KAZN: variants seen among roughly 807,000 people sequenced by gnomAD.
KAZN encodes the protein kazrin.
In KAZN, 40 loss-of-function variants were observed where a neutral mutation model predicts 87.4. The observed-to-expected ratio is 0.46, with a 90% CI of 0.36 to 0.60. KAZN has a LOEUF of 0.60. Among genes scored for constraint, KAZN ranks in the 20% least tolerant of loss-of-function variants. The pLI is 0.00. For missense variants in KAZN, 898 were observed against 1,073.9 expected, an observed-to-expected ratio of 0.84 and a Z score of 2.29; for synonymous variants, 466 against 458.3, an observed-to-expected ratio of 1.02 and a Z score of -0.22.
chr1:14,840,437 G>C (rs74946641), intron 1 of KAZN, among the ~76,000 whole-genome samples: 1 of 152,348 alleles, frequency 6.6e-6, no homozygotes, highest in East Asian at 1.9e-4. Context: ...AGAAAGGAGA[G>C]ACATTTCGCA....
At chr1:14,461,139 A>G (rs183103082) in intron 2 of KAZN, among the ~76,000 whole-genome samples, 21 of 152,286 alleles carry the variant, frequency 1.4e-4, no homozygotes, top group Admixed American at 1.3e-3. Flanking sequence ...GGGACCTGGA[A>G]TCCAGCAACA....
chr1:13,979,209 G>A (rs777728485), intron 1 of KAZN, among the ~76,000 whole-genome samples: 6 of 151,796 alleles, frequency 4.0e-5, no homozygotes, highest in East Asian at 1.9e-4. Flanking sequence ...GGGGAAACCC[G>A]TCCCCCAAAG....
intron 1 of KAZN, among the ~76,000 whole-genome samples, chr1:13,952,336 T>TG (rs1641378394): frequency 3.2e-3 from 6 of 1,888 alleles, no homozygotes; most frequent in South Asian, 0.024. Context: ...AAAATGGAGA[T>TG]AATAATAATA....
rs1330247627 is a variant in KAZN, at chr1:14,497,670, A to T, written c.250-101313A>T. On this transcript the variant is annotated intron_variant, in intron 2 of 16. Transcript: ENST00000636203. ...CTACTTACCCATTCAGCCTATGAAG[A>T]TATATACTTGGAGAACCAGATTGTC... 3.3e-5 allele frequency among the ~76,000 whole-genome samples: 5 copies of T among 152,212 alleles called. No homozygotes were observed. In the South Asian group the frequency reaches 6.2e-4, roughly 19 times the overall value.
intron 2 of KAZN, among the ~76,000 whole-genome samples, chr1:14,428,012 G>C (rs1055727830): frequency 2.0e-5 from 3 of 152,126 alleles, no homozygotes; most frequent in Non-Finnish European, 2.9e-5. Context: ...GCTTGAGCTG[G>C]AATCCATCAA....
chr1:14,399,292 T>C (rs1217255181), intron 2 of KAZN, among the ~76,000 whole-genome samples: 2 of 152,114 alleles, frequency 1.3e-5, no homozygotes, highest in Non-Finnish European at 2.9e-5. Context: ...GCTGGGATTA[T>C]AAGCATGGGC....
intron 2 of KAZN, among the ~76,000 whole-genome samples, chr1:14,573,848 C>A (rs1344627259): frequency 6.6e-6 from 1 of 151,772 alleles, no homozygotes; most frequent in Non-Finnish European, 1.5e-5. Context: ...GAAATTCAGG[C>A]ATATGAATAG....
chr1:14,366,829 A>G (rs1660040195), intron 2 of KAZN, among the ~76,000 whole-genome samples: 1 of 152,238 alleles, frequency 6.6e-6, no homozygotes, highest in Admixed American at 6.5e-5. Context: ...TCAGTGTGAC[A>G]GCCTTTTGCA....
intron 1 of KAZN, among the ~76,000 whole-genome samples, chr1:13,898,644 C>T (rs563572795): frequency 5.6e-4 from 86 of 152,284 alleles, no homozygotes; most frequent in African/African-American, 2.0e-3. Flanking sequence ...GGCACTGTTC[C>T]TGGGCTGCAG....
At chr1:14,030,671 CACACA>C (rs1641288065) in intron 1 of KAZN, among the ~76,000 whole-genome samples, 5 of 150,486 alleles carry the variant, frequency 3.3e-5, no homozygotes, top group Admixed American at 1.3e-4. Flanking sequence ...CACACACACA[CACACA>C]CCAATCTATC....
In KAZN at chr1:15,107,414, G is replaced by A. The variant is rs74059832; in HGVS notation, c.2048+3225G>A. ...AGAAACTGGTTTCATAGACAACTAG[G>A]TGAAGACATAAACCCATCCAGAATG... On this transcript the variant is annotated intron_variant, in intron 13 of 14. Coordinates refer to ENST00000376030, the MANE Select transcript of KAZN (RefSeq NM_201628.3). Among the ~76,000 whole-genome samples the A allele has an allele frequency of 1.5e-3, 236 of 152,260 alleles. 2 individuals are homozygous for A. Among genetic ancestry groups the A allele is most frequent in the African/African-American group, 5.2e-3 (218 of 41,532 alleles).
At chr1:14,642,170 C>T (rs1444183564) in intron 1 of KAZN, among the ~76,000 whole-genome samples, 5 of 152,252 alleles carry the variant, frequency 3.3e-5, no homozygotes, top group Middle Eastern at 6.8e-3. Flanking sequence ...GAGGCCAAGG[C>T]GGGCAGATGA....
At chr1:14,900,565 AAC>A (rs1479683247) in intron 1 of KAZN, among the ~76,000 whole-genome samples, 1 of 152,112 alleles carries the variant, frequency 6.6e-6, no homozygotes. Flanking sequence ...CATTCTGGTT[AAC>A]ACGGTGAAAC....
At chr1:14,616,590 C>A (rs961884713) in intron 1 of KAZN, among the ~76,000 whole-genome samples, 2 of 152,116 alleles carry the variant, frequency 1.3e-5, no homozygotes, top group South Asian at 4.1e-4. Context: ...CATAAATCAG[C>A]GTCAGCGAAG....
chr1:14,121,350 G>A (rs1284807998), intron 1 of KAZN, among the ~76,000 whole-genome samples: 2 of 152,176 alleles, frequency 1.3e-5, no homozygotes, highest in African/African-American at 2.4e-5. Context: ...CCAACCTGAA[G>A]TGCAAGGAGC....
intron 2 of KAZN, among the ~76,000 whole-genome samples, chr1:14,385,393 A>C (rs143801889): frequency 0.047 from 7,203 of 151,942 alleles, 366 homozygotes; most frequent in East Asian, 0.29. Flanking sequence ...TAGTTCTTTT[A>C]ATTGTGATGG....
In KAZN at chr1:15,056,493, C is replaced by T. The variant is rs573133608; in HGVS notation, c.916+213C>T. 4.1e-4 allele frequency among the ~76,000 whole-genome samples: 62 copies of T among 152,302 alleles called. No individual in the cohort carries two copies. Among genetic ancestry groups the T allele is most frequent in the African/African-American group, 1.5e-3 (62 of 41,556 alleles). On this transcript the variant is annotated intron_variant, in intron 5 of 14. Coordinates refer to ENST00000376030, the MANE Select transcript of KAZN (RefSeq NM_201628.3). This position sits in a 1 kb window ranked among gnomAD's most constrained non-coding sequence, Gnocchi z 5.4. ...CAAACACTATCTGGGTCCCTCTGAC[C>T]GTCTCTCCATCTCTTAGCTCTGCCC...
At position 14,996,790 on chromosome 1, in the gene KAZN, G is replaced by A. The variant is rs992429324; in HGVS notation, c.418+35915G>A. Among the ~76,000 whole-genome samples, 3 of 152,202 alleles carry A rather than the reference G, an allele frequency of 2.0e-5. No homozygotes were observed. Among genetic ancestry groups the A allele is most frequent in the East Asian group, 1.9e-4 (1 of 5,200 alleles). On this transcript the variant is annotated intron_variant, in intron 2 of 14. Coordinates refer to ENST00000376030, the MANE Select transcript of KAZN (RefSeq NM_201628.3). This position sits in a 1 kb window ranked among gnomAD's most constrained non-coding sequence, Gnocchi z 5.9. ...GGCCACTTGCAGGAAGACACACCAC[G>A]GAGCCTCCCCGCTCCTGGTGCTCCA...
intron 13 of KAZN, among the ~76,000 whole-genome samples, chr1:15,106,205 C>A (rs951409733): frequency 1.3e-5 from 2 of 152,040 alleles, no homozygotes; most frequent in African/African-American, 4.8e-5. Flanking sequence ...TACTTGAGCC[C>A]GGGAGTGTGA....
Sources: allele counts gnomAD v4.1 joint callset (sites outside exome capture counted in the v4.1 genomes callset), GRCh38; gene constraint gnomAD v4.1.1; non-coding constraint Gnocchi (gnomAD v3.1); transcripts MANE v1.5; gene names NCBI Gene and HGNC (gene_info 2026-07-23, HGNC 2026-07-21).